MAGI1: variants seen among roughly 807,000 people sequenced by gnomAD.
MAGI1 encodes membrane-associated guanylate kinase, WW and PDZ domain-containing protein 1.
A neutral mutation model predicts 139.9 loss-of-function variants in MAGI1; 58 were observed. That is an observed-to-expected ratio of 0.41 (90% CI 0.34 to 0.52). The LOEUF (loss-of-function observed/expected upper bound fraction) is 0.52. Ranked by LOEUF, MAGI1 falls within the 20% of genes least tolerant of loss-of-function variation. The pLI is 0.12. For missense variants in MAGI1, 1,874 were observed against 1,901.6 expected, an observed-to-expected ratio of 0.99 and a Z score of 0.27; for synonymous variants, 812 against 737.9, an observed-to-expected ratio of 1.10 and a Z score of -1.63.
At chr3:65,360,288 T>C (rs1381037499) in intron 22 of MAGI1, 2 of 984,584 alleles carry the variant, frequency 2.0e-6, no homozygotes, top group African/African-American at 1.8e-5. Context: ...TCACAGTTTC[T>C]ATAGAAACTT....
At chr3:65,438,322 A>G (rs970778782) in intron 9 of MAGI1, among the ~76,000 whole-genome samples, 2 of 152,220 alleles carry the variant, frequency 1.3e-5, no homozygotes, top group African/African-American at 4.8e-5. Flanking sequence ...TGGGAGCTAA[A>G]TAATGTGTAC....
At chr3:65,614,565 A>T (rs763491545) in intron 2 of MAGI1, among the ~76,000 whole-genome samples, 18 of 152,220 alleles carry the variant, frequency 1.2e-4, no homozygotes, top group Middle Eastern at 3.4e-3. Flanking sequence ...TGGTTTTTTT[A>T]AAAAAAGGTA....
intron 18 of MAGI1, among the ~76,000 whole-genome samples, chr3:65,370,913 T>C (rs575800589): frequency 1.0e-3 from 158 of 152,362 alleles, no homozygotes; most frequent in Non-Finnish European, 1.8e-3. Context: ...TGCCTCAGTC[T>C]CCACAAGTGC....
chr3:65,967,142 T>C (rs920188516), intron 1 of MAGI1, among the ~76,000 whole-genome samples: 1 of 152,084 alleles, frequency 6.6e-6, no homozygotes, highest in Non-Finnish European at 1.5e-5. Flanking sequence ...ACCCATACCA[T>C]GGTGCCTTTG....
At chr3:65,950,088 A>C (rs1219832879) in intron 1 of MAGI1, among the ~76,000 whole-genome samples, 3 of 58,250 alleles carry the variant, frequency 5.2e-5, no homozygotes, top group South Asian at 6.0e-4. Context: ...CAAAAAAAAA[A>C]ACAAACAAAA....
intron 2 of MAGI1, among the ~76,000 whole-genome samples, chr3:65,532,053 G>A (rs183482441): frequency 3.3e-5 from 5 of 152,092 alleles, no homozygotes; most frequent in East Asian, 1.9e-4. Context: ...CTATAAATCC[G>A]TACAGTTCCA....
intron 1 of MAGI1, among the ~76,000 whole-genome samples, chr3:65,794,259 G>C (rs2039976031): frequency 6.6e-6 from 1 of 152,170 alleles, no homozygotes; most frequent in Non-Finnish European, 1.5e-5. Context: ...CACAGGCAGG[G>C]AGGAAACATT....
chr3:65,479,286 C>G (rs1035817983), intron 3 of MAGI1, among the ~76,000 whole-genome samples: 1 of 152,118 alleles, frequency 6.6e-6, no homozygotes, highest in African/African-American at 2.4e-5. Context: ...GGACAGTAAA[C>G]CCCACGTGGC....
At chr3:65,638,551 G>A (rs939035297) in intron 1 of MAGI1, among the ~76,000 whole-genome samples, 11 of 143,298 alleles carry the variant, frequency 7.7e-5, no homozygotes, top group Non-Finnish European at 1.4e-4. Flanking sequence ...CCCACCTCAG[G>A]CCTCAAGTAG....
chr3:65,823,852 A>C (rs1238924512), intron 1 of MAGI1, among the ~76,000 whole-genome samples: 1 of 152,208 alleles, frequency 6.6e-6, no homozygotes, highest in Non-Finnish European at 1.5e-5. Context: ...CGATGGACAC[A>C]CACCTCCTTC....
At chr3:65,475,703 A>T (rs747410837) in intron 4 of MAGI1, among the ~76,000 whole-genome samples, 24 of 152,002 alleles carry the variant, frequency 1.6e-4, no homozygotes, top group Non-Finnish European at 3.1e-4. Context: ...CTTTGTGTTC[A>T]CAGTCAGTTC....
rs562702378 is a variant in MAGI1, at chr3:65,809,614, T to C, written c.314-187526A>G. The stretch of plus-strand genomic sequence containing the variant: ...AAAACTTTCAGCTGTGATGGAAAAC[T>C]CAACTCAAACTAAAGATGGGACGCT... On this transcript the variant is annotated intron_variant, in intron 1 of 22. Transcript: ENST00000402939. Among the ~76,000 whole-genome samples, 116 of 152,220 alleles carry C rather than the reference T, an allele frequency of 7.6e-4. 1 individual carries two copies. The highest frequency in any genetic ancestry group is 2.7e-3 in the African/African-American group (113 of 41,520).
intron 1 of MAGI1, among the ~76,000 whole-genome samples, chr3:66,024,859 C>T (rs1211541521): frequency 6.6e-6 from 1 of 152,068 alleles, no homozygotes; most frequent in Non-Finnish European, 1.5e-5. Context: ...GTGAAGACCA[C>T]CATAAATAAA....
chr3:65,491,657 A>C (rs1424232479), intron 3 of MAGI1, among the ~76,000 whole-genome samples: 1 of 152,014 alleles, frequency 6.6e-6, no homozygotes, highest in Admixed American at 6.6e-5. Context: ...CAGCATGCTG[A>C]CAACATGTTG....
chr3:65,816,492 T>C (rs190472062), intron 1 of MAGI1, among the ~76,000 whole-genome samples: 263 of 152,292 alleles, frequency 1.7e-3, no homozygotes, highest in Non-Finnish European at 3.1e-3. Flanking sequence ...CTCTGCTTTA[T>C]TGATGAAATG....
At chr3:65,552,347 G>A (rs2079881140) in intron 2 of MAGI1, among the ~76,000 whole-genome samples, 1 of 151,972 alleles carries the variant, frequency 6.6e-6, no homozygotes, top group Non-Finnish European at 1.5e-5. Context: ...TAAGCTTCAG[G>A]GGAGTGGGAA....
chr3:65,993,361 C>T (rs1232729872), intron 1 of MAGI1, among the ~76,000 whole-genome samples: 1 of 152,162 alleles, frequency 6.6e-6, no homozygotes, highest in Non-Finnish European at 1.5e-5. Context: ...GTTGACAGAA[C>T]AAGAACCCAT....
At chr3:65,395,878 T>C (rs1455789732) in intron 13 of MAGI1, among the ~76,000 whole-genome samples, 1 of 151,858 alleles carries the variant, frequency 6.6e-6, no homozygotes, top group Non-Finnish European at 1.5e-5. Flanking sequence ...TTGGTGTCGC[T>C]ACTGGGTGGT....
chr3:65,661,840 T>C (rs1000114406), intron 1 of MAGI1, among the ~76,000 whole-genome samples: 2 of 140,294 alleles, frequency 1.4e-5, no homozygotes, highest in East Asian at 2.5e-4. Context: ...CTCTGCCTCC[T>C]GGGTTCATGC....
Sources: allele counts gnomAD v4.1 joint callset (sites outside exome capture counted in the v4.1 genomes callset), GRCh38; gene constraint gnomAD v4.1.1; transcripts MANE v1.5; gene names NCBI Gene and HGNC (gene_info 2026-07-23, HGNC 2026-07-21).